ANKRD44: variants seen among roughly 807,000 people sequenced by gnomAD.
The protein encoded by ANKRD44 is serine/threonine-protein phosphatase 6 regulatory ankyrin repeat subunit B.
In ANKRD44, 35 loss-of-function variants were observed where a neutral mutation model predicts 116.0. The observed-to-expected ratio is 0.30, with a 90% CI of 0.23 to 0.40. The LOEUF (loss-of-function observed/expected upper bound fraction) is 0.40. Ranked by LOEUF, ANKRD44 falls within the 10% of genes least tolerant of loss-of-function variation. ANKRD44 has a pLI of 1.00. For missense variants in ANKRD44, 1,014 were observed against 1,242.6 expected, an observed-to-expected ratio of 0.82 and a Z score of 2.77; for synonymous variants, 435 against 461.8, an observed-to-expected ratio of 0.94 and a Z score of 0.74.
At chr2:196,972,947 G>A (rs779508708) in intron 21 of ANKRD44, among the ~76,000 whole-genome samples, 1 of 152,146 alleles carries the variant, frequency 6.6e-6, no homozygotes, top group African/African-American at 2.4e-5. Context: ...AGAGCAGAAA[G>A]CATTGTGTCA....
chr2:197,251,279 C>T lies in ANKRD44; in HGVS notation c.27+59299G>A, dbSNP rs1274769285. On this transcript the variant is annotated intron_variant, in intron 1 of 27. Coordinates refer to ENST00000282272, the MANE Select transcript of ANKRD44 (RefSeq NM_001195144.2). ...CCATATTTTGTCTGTTGTTGTCTAT[C>T]CAAATTCTTTCTCATTTATCATCAT... 2.0e-5 allele frequency among the ~76,000 whole-genome samples: 3 copies of T among 152,114 alleles called. No individual in the cohort carries two copies. In the East Asian group the frequency reaches 5.8e-4, roughly 29 times the overall value.
intron 17 of ANKRD44, among the ~76,000 whole-genome samples, chr2:197,019,887 C>A (rs184304300): frequency 1.5e-3 from 233 of 151,880 alleles, no homozygotes; most frequent in Non-Finnish European, 2.8e-3. Context: ...GCCTCCACCT[C>A]CCGGGTTCAA....
At chr2:196,973,780 T>G (rs1273068190) in intron 21 of ANKRD44, among the ~76,000 whole-genome samples, 1 of 152,212 alleles carries the variant, frequency 6.6e-6, no homozygotes, top group Non-Finnish European at 1.5e-5. Flanking sequence ...GACCATATCA[T>G]TCCTTTTAAA....
chr2:197,082,469 C>G (rs1195006953), intron 14 of ANKRD44, among the ~76,000 whole-genome samples: 1 of 152,024 alleles, frequency 6.6e-6, no homozygotes, highest in Non-Finnish European at 1.5e-5. Flanking sequence ...TCTAATGAAA[C>G]AGAGAAAATG....
Position 196,988,964 on chromosome 2 carries a change from A to G in ANKRD44, c.*627T>C, listed in dbSNP as rs2075871766. On this transcript the variant is annotated 3_prime_UTR_variant, in exon 28 of 28. Transcript: ENST00000282272. ...CTCGCAGAAGGGCATCCAGACTGCA[A>G]TGTCTTCTAAGCTCTAAGCTGGCTA... 1 of 985,328 alleles carries G rather than the reference A, an allele frequency of 1.0e-6. No homozygotes were observed. Among genetic ancestry groups the G allele is most frequent in the South Asian group, 4.7e-5 (1 of 21,288 alleles). 61.0% of individuals were successfully genotyped at this position (985,328 alleles called of 1,614,324 possible).
At chr2:197,248,552 A>G (rs950229296) in intron 1 of ANKRD44, among the ~76,000 whole-genome samples, 3 of 87,876 alleles carry the variant, frequency 3.4e-5, no homozygotes, top group African/African-American at 8.5e-5. Flanking sequence ...ACATATATGT[A>G]TATGTGTGTG....
chr2:197,242,231 G>A (rs2082105065), intron 1 of ANKRD44, among the ~76,000 whole-genome samples: 1 of 152,040 alleles, frequency 6.6e-6, no homozygotes, highest in Non-Finnish European at 1.5e-5. Flanking sequence ...TTTACTAATT[G>A]ATAAACAGTA....
Position 197,258,072 on chromosome 2 carries a change from C to T in ANKRD44, c.27+52506G>A, listed in dbSNP as rs550569882. On this transcript the variant is annotated intron_variant, in intron 1 of 27. Coordinates refer to ENST00000282272, the MANE Select transcript of ANKRD44 (RefSeq NM_001195144.2). ...TGCAGCATGTGTCAGAATTCCCTTCCTTTTTATTTTTTCTTTTTATTTATT... is the reference window on the plus strand; with the variant it reads ...TGCAGCATGTGTCAGAATTCCCTTCTTTTTTATTTTTTCTTTTTATTTATT... Among the ~76,000 whole-genome samples the T allele has an allele frequency of 1.5e-3, 224 of 151,942 alleles. 1 individual carries two copies. The highest frequency in any genetic ancestry group is 5.2e-3 in the African/African-American group (216 of 41,472).
intron 1 of ANKRD44, among the ~76,000 whole-genome samples, chr2:197,271,982 G>A (rs1179786613): frequency 6.6e-5 from 10 of 152,116 alleles, no homozygotes; most frequent in African/African-American, 1.4e-4. Flanking sequence ...AAATTATATC[G>A]CCAAAGTGAT....
chr2:197,064,324 C>G (rs939810988), intron 16 of ANKRD44, among the ~76,000 whole-genome samples: 9 of 152,194 alleles, frequency 5.9e-5, no homozygotes, highest in Non-Finnish European at 7.3e-5. Context: ...AAAGGAACAA[C>G]CGGTACCAGC....
At chr2:197,053,606 C>T (rs1312942554) in intron 16 of ANKRD44, among the ~76,000 whole-genome samples, 1 of 152,138 alleles carries the variant, frequency 6.6e-6, no homozygotes, top group Non-Finnish European at 1.5e-5. Context: ...GCCTCAGCCT[C>T]CCGAGTAGCT....
At chr2:197,308,808 G>A (rs969245015) in intron 1 of ANKRD44, among the ~76,000 whole-genome samples, 2 of 152,198 alleles carry the variant, frequency 1.3e-5, no homozygotes, top group African/African-American at 4.8e-5. Flanking sequence ...GATCTAGGAA[G>A]AGATGTTTTC....
intron 16 of ANKRD44, among the ~76,000 whole-genome samples, chr2:197,060,838 G>A (rs2077296825): frequency 6.6e-6 from 1 of 152,050 alleles, no homozygotes; most frequent in Non-Finnish European, 1.5e-5. Flanking sequence ...CGTACATGTT[G>A]TTATAAATGG....
At chr2:197,140,735 C>A (rs1162487078) in intron 3 of ANKRD44, among the ~76,000 whole-genome samples, 5 of 152,098 alleles carry the variant, frequency 3.3e-5, no homozygotes, top group East Asian at 1.9e-4. Context: ...TCCCAAAAAA[C>A]CCCAAAATAA....
At position 197,219,271 on chromosome 2, in the gene ANKRD44, T is replaced by C. The variant is rs887067096; in HGVS notation, c.28-32165A>G. 3.9e-5 allele frequency among the ~76,000 whole-genome samples: 6 copies of C among 152,120 alleles called. 1 individual carries two copies. The highest frequency in any genetic ancestry group is 9.7e-5 in the African/African-American group (4 of 41,418). On this transcript the variant is annotated intron_variant, in intron 1 of 27. Transcript: ENST00000282272. The stretch of plus-strand genomic sequence containing the variant: ...TTTTAGTAGAGATGGGGTTTCACCA[T>C]GTTGGCCAGGATGGTCTTGATCTCC...
intron 27 of ANKRD44, among the ~76,000 whole-genome samples, chr2:196,993,098 A>G (rs1402310843): frequency 6.6e-6 from 1 of 152,170 alleles, no homozygotes; most frequent in Non-Finnish European, 1.5e-5. Flanking sequence ...AAGAAATTTT[A>G]CTCTTGTTCC....
intron 21 of ANKRD44, among the ~76,000 whole-genome samples, chr2:196,981,613 T>C (rs2075801542): frequency 6.6e-6 from 1 of 151,934 alleles, no homozygotes; most frequent in Non-Finnish European, 1.5e-5. Context: ...CCATCTCTAC[T>C]AAAAATTTTT....
chr2:197,149,542 G>A (rs1000491402), intron 2 of ANKRD44, among the ~76,000 whole-genome samples: 2 of 152,178 alleles, frequency 1.3e-5, no homozygotes, highest in East Asian at 1.9e-4. Flanking sequence ...ATAACTATGC[G>A]AATTGATACT....
intron 18 of ANKRD44, among the ~76,000 whole-genome samples, chr2:197,013,041 A>G (rs1043022789): frequency 1.3e-5 from 2 of 152,248 alleles, no homozygotes. Context: ...TGTGTAAAAA[A>G]GCTAAGAAAC....
Sources: gnomAD v4.1 joint callset for allele counts (sites outside exome capture counted in the v4.1 genomes callset) on GRCh38, gnomAD v4.1.1 for gene constraint, MANE v1.5 for transcripts, NCBI Gene and HGNC (gene_info 2026-07-23, HGNC 2026-07-21) for gene names.